The following KIF1B variants were observed in gnomAD, a reference collection of about 807,000 sequenced individuals.
KIF1B encodes kinesin-like protein KIF1B.
KIF1B carries 76 observed loss-of-function variants against 241.9 expected under a neutral mutation model. That is an observed-to-expected ratio of 0.31 (90% CI 0.26 to 0.38). The LOEUF (loss-of-function observed/expected upper bound fraction) is 0.38, where lower values mean the gene tolerates loss of function less well. Ranked by LOEUF, KIF1B falls within the 10% of genes least tolerant of loss-of-function variation. The pLI is 1.00. For missense variants in KIF1B, 1,622 were observed against 2,271.4 expected, an observed-to-expected ratio of 0.71 and a Z score of 5.81; for synonymous variants, 750 against 796.7, an observed-to-expected ratio of 0.94 and a Z score of 0.99.
intron 6 of KIF1B, among the ~76,000 whole-genome samples, 156 bp from the exon 7 acceptor site, chr1:10,267,996 T>G (rs1441136841): frequency 1.3e-5 from 2 of 152,210 alleles, no homozygotes; most frequent in Non-Finnish European, 2.9e-5. Context: ...AATAAGGCAG[T>G]ATTGAGAGCA....
chr1:10,354,601 T>G (rs1169709191), intron 38 of KIF1B, among the ~76,000 whole-genome samples: 1 of 152,238 alleles, frequency 6.6e-6, no homozygotes, highest in African/African-American at 2.4e-5. Context: ...ACAAAAATTA[T>G]TTATGTTTTC....
intron 17 of KIF1B, among the ~76,000 whole-genome samples, chr1:10,293,205 T>C (rs1459344466): frequency 1.3e-5 from 2 of 152,100 alleles, no homozygotes; most frequent in Admixed American, 6.6e-5. Context: ...ATGTTTATAT[T>C]ATGAAAGGTT....
At chr1:10,264,822 T>C (rs540137764) in intron 5 of KIF1B, among the ~76,000 whole-genome samples, 1 of 152,126 alleles carries the variant, frequency 6.6e-6, no homozygotes, top group African/African-American at 2.4e-5. Context: ...CTACCACACC[T>C]GGCTAATTTT....
At position 10,374,749 on chromosome 1, in the gene KIF1B, C is replaced by G. The variant is rs1053406164; in HGVS notation, c.5097-105C>G. ...GGCCAAATAGGTCATTTGCCTGTTTCATCGAATCTAAGGACTTGGCCTAAG... is the reference window on the plus strand; with the variant it reads ...GGCCAAATAGGTCATTTGCCTGTTTGATCGAATCTAAGGACTTGGCCTAAG... On this transcript the variant is annotated intron_variant, in intron 46 of 48. Transcript: ENST00000676179. The surrounding 1 kb of genome is among the most constrained non-coding windows in gnomAD (Gnocchi z 4.3). 1.8e-6 allele frequency: 2 copies of G among 1,139,616 alleles called. No individual in the cohort carries two copies. Among genetic ancestry groups the G allele is most frequent in the Non-Finnish European group, 1.3e-6 (1 of 760,796 alleles). 70.6% of individuals were successfully genotyped at this position (1,139,616 alleles called of 1,614,324 possible).
chr1:10,236,353 A>G (rs939160076), intron 2 of KIF1B, among the ~76,000 whole-genome samples: 1 of 152,186 alleles, frequency 6.6e-6, no homozygotes, highest in Non-Finnish European at 1.5e-5. Flanking sequence ...GTAGCTTATT[A>G]CAGCTTATTA....
chr1:10,219,582 C>T (rs191854358), intron 1 of KIF1B, among the ~76,000 whole-genome samples: 5 of 147,982 alleles, frequency 3.4e-5, no homozygotes, highest in Admixed American at 2.7e-4. Flanking sequence ...CATGGAGAAC[C>T]CCATCTCTAC....
rs139801721 is a variant in KIF1B at position 10,303,524 on chromosome 1, A to G, written c.2115+6278A>G. 19 of 1,614,214 alleles carry G rather than the reference A, an allele frequency of 1.2e-5. No individual in the cohort carries two copies. The highest frequency in any genetic ancestry group is 6.7e-5 in the East Asian group (3 of 44,888). Reference sequence around the variant, plus strand: ...GCCATGTATGGCAAGAAAGACCCCAATGAGCGGGACTCCTGGAGGGCAGTG... The same window carrying G: ...GCCATGTATGGCAAGAAAGACCCCAGTGAGCGGGACTCCTGGAGGGCAGTG... On this transcript the variant is annotated intron_variant, in intron 22 of 48. Coordinates refer to ENST00000676179, the MANE Select transcript of KIF1B (RefSeq NM_001365951.3). The surrounding 1 kb of genome is among the most constrained non-coding windows in gnomAD (Gnocchi z 5.2).
intron 43 of KIF1B, among the ~76,000 whole-genome samples, chr1:10,367,584 G>A (rs985622756): frequency 9.9e-5 from 15 of 151,172 alleles, no homozygotes; most frequent in Non-Finnish European, 1.8e-4. Flanking sequence ...GCCCACGCTG[G>A]AGTGCAGTGG....
chr1:10,213,711 C>T (rs1476753603), intron 1 of KIF1B, among the ~76,000 whole-genome samples: 1 of 152,144 alleles, frequency 6.6e-6, no homozygotes, highest in Admixed American at 6.5e-5. Context: ...CTCGTTTGAA[C>T]AGGTACTGGT....
chr1:10,291,884 C>A (rs1650017307), intron 16 of KIF1B, among the ~76,000 whole-genome samples, 163 bp from the exon 17 acceptor site: 1 of 152,166 alleles, frequency 6.6e-6, no homozygotes, highest in Non-Finnish European at 1.5e-5. Flanking sequence ...TTAGAAATAA[C>A]TTCTCATTAA....
intron 2 of KIF1B, among the ~76,000 whole-genome samples, chr1:10,238,577 C>T (rs957229770): frequency 3.3e-5 from 5 of 151,482 alleles, no homozygotes; most frequent in African/African-American, 4.9e-5. Context: ...TGGTGGTGCG[C>T]GCCTGTGGTT....
chr1:10,349,233 G>C (rs565992982), intron 37 of KIF1B, among the ~76,000 whole-genome samples: 1 of 152,032 alleles, frequency 6.6e-6, no homozygotes, highest in Admixed American at 6.6e-5. Context: ...GAGCCCAGGG[G>C]TTTGTGCCTG....
chr1:10,354,798 G>A (rs1005731863), intron 38 of KIF1B, among the ~76,000 whole-genome samples: 2 of 152,148 alleles, frequency 1.3e-5, no homozygotes, highest in Non-Finnish European at 2.9e-5. Context: ...CCATCAATCT[G>A]TATATTTTAG....
At chr1:10,329,463 G>C (rs1227389485) in intron 27 of KIF1B, among the ~76,000 whole-genome samples, 1 of 152,084 alleles carries the variant, frequency 6.6e-6, no homozygotes, top group Non-Finnish European at 1.5e-5. Flanking sequence ...GGCTGGGTGC[G>C]GTGGCTCACT....
intron 22 of KIF1B, among the ~76,000 whole-genome samples, chr1:10,315,168 A>ATTG (rs1651246089): frequency 8.2e-6 from 1 of 121,686 alleles, no homozygotes; most frequent in African/African-American, 3.4e-5. Context: ...AATCAAGAAT[A>ATTG]TTCTTTTTTT....
rs780098804 is a variant in KIF1B at position 10,256,211 on chromosome 1, G to C, written c.107-36G>C. 4 of 1,282,408 alleles carry C rather than the reference G, an allele frequency of 3.1e-6. No homozygotes were observed. The African/African-American group carries it at 5.8e-5, about 19-fold the overall frequency. 79.4% of individuals were successfully genotyped at this position (1,282,408 alleles called of 1,614,324 possible). Reference sequence around the variant, plus strand: ...ATGTTTAACTAAAGAACTTGTAATTGAGTGACTTATAAAATGAAACATTTT... The same window carrying C: ...ATGTTTAACTAAAGAACTTGTAATTCAGTGACTTATAAAATGAAACATTTT... On this transcript the variant is annotated intron_variant, in intron 2 of 48. Transcript: ENST00000676179.
In KIF1B at chr1:10,324,186, A is replaced by G; in HGVS notation, c.2537+124A>G. On this transcript the variant is annotated intron_variant, in intron 25 of 48. Transcript: ENST00000676179. ...TTGCTTACTTCCCTGTACTTTCTAA[A>G]TGCTGTTGTTGGCCAATGGTATTAC... 6.2e-6 allele frequency: 6 copies of G among 971,920 alleles called. No homozygotes were observed. The South Asian group carries it at 6.7e-5, about 11-fold the overall frequency. 60.2% of individuals were successfully genotyped at this position (971,920 alleles called of 1,614,324 possible).
At position 10,232,433 on chromosome 1, in the gene KIF1B, C is replaced by T; in HGVS notation, c.105C>T (p.Thr35=). Residue 35 remains threonine, a splice_region_variant and synonymous_variant, in exon 2 of 49, where the codon ACC becomes ACT. Transcript: ENST00000676179. ...KCIIQMQGNS[T]SIINPKNPKE... is the part of the protein sequence containing the mutation. Reference sequence around the variant, plus strand: ...TCATTCAGATGCAAGGCAACTCGACCAGTGAGTACATGTTGTTTTCTCTCA... The same window carrying T: ...TCATTCAGATGCAAGGCAACTCGACTAGTGAGTACATGTTGTTTTCTCTCA... 3.1e-6 allele frequency: 5 copies of T among 1,599,740 alleles called. No individual in the cohort carries two copies. The highest frequency in any genetic ancestry group is 3.4e-6 in the Non-Finnish European group (4 of 1,167,082).
chr1:10,300,764 A>G (rs1190040826), intron 22 of KIF1B, among the ~76,000 whole-genome samples: 1 of 152,192 alleles, frequency 6.6e-6, no homozygotes, highest in East Asian at 1.9e-4. Flanking sequence ...TTTTTTCTCT[A>G]ATATTTATGA....
Sources: allele counts gnomAD v4.1 joint callset (sites outside exome capture counted in the v4.1 genomes callset), GRCh38; gene constraint gnomAD v4.1.1; non-coding constraint Gnocchi (gnomAD v3.1); transcripts MANE v1.5; gene names NCBI Gene and HGNC (gene_info 2026-07-23, HGNC 2026-07-21).